ENOX1: variants seen among roughly 807,000 people sequenced by gnomAD.
ENOX1 encodes ecto-NOX disulfide-thiol exchanger 1.
ENOX1 carries 42 observed loss-of-function variants against 82.5 expected under a neutral mutation model. The observed-to-expected ratio is 0.51, with a 90% CI of 0.40 to 0.66. ENOX1 has a LOEUF of 0.66. Ranked by LOEUF, ENOX1 falls within the 30% of genes least tolerant of loss-of-function variation. The pLI, the probability that ENOX1 is intolerant of heterozygous loss-of-function variation, is 0.00. For missense variants in ENOX1, 608 were observed against 811.6 expected, an observed-to-expected ratio of 0.75 and a Z score of 3.05; for synonymous variants, 271 against 282.2, an observed-to-expected ratio of 0.96 and a Z score of 0.40.
Position 43,470,377 on chromosome 13 carries a change from CATATATATACGT to C in ENOX1, c.-75+13620_-75+13631del, listed in dbSNP as rs2058003890. On this transcript the variant is annotated intron_variant, in intron 3 of 16. Coordinates refer to ENST00000690772, the MANE Select transcript of ENOX1 (RefSeq NM_001347969.2). Reference sequence around the variant, plus strand: ...ATGTATATATATACGTATATATATACATATATATACGTATATATATGTGTATATATATATATA... The same window carrying C: ...ATGTATATATATACGTATATATATACATATATATGTGTATATATATATATA... Among the ~76,000 whole-genome samples the C allele has an allele frequency of 1.5e-4, 4 of 27,038 alleles. 1 individual carries two copies. 17.7% of individuals were successfully genotyped at this position (27,038 alleles called of 152,430 possible).
intron 2 of ENOX1, among the ~76,000 whole-genome samples, chr13:43,587,036 T>A (rs558097919): frequency 1.7e-4 from 25 of 149,104 alleles, no homozygotes; most frequent in African/African-American, 5.5e-4. Flanking sequence ...ATTGTGCCAC[T>A]GCACTCCAGT....
intron 2 of ENOX1, among the ~76,000 whole-genome samples, chr13:43,491,343 T>C (rs1252635848): frequency 6.6e-6 from 1 of 152,182 alleles, no homozygotes; most frequent in African/African-American, 2.4e-5. Context: ...CATTTCAACA[T>C]GAGATTTGGA....
At chr13:43,276,682 A>G (rs1177321064) in intron 12 of ENOX1, among the ~76,000 whole-genome samples, 1 of 152,254 alleles carries the variant, frequency 6.6e-6, no homozygotes, top group African/African-American at 2.4e-5. Flanking sequence ...TTGAGATTTA[A>G]AAATTCAAGT....
intron 2 of ENOX1, among the ~76,000 whole-genome samples, chr13:43,531,926 G>C (rs2078245073): frequency 7.0e-6 from 1 of 142,158 alleles, no homozygotes; most frequent in Admixed American, 7.1e-5. Context: ...GCCTGTTGTG[G>C]GGTGAGGGGA....
At chr13:43,508,869 G>T (rs2077269760) in intron 2 of ENOX1, among the ~76,000 whole-genome samples, 1 of 151,830 alleles carries the variant, frequency 6.6e-6, no homozygotes, top group Admixed American at 6.6e-5. Flanking sequence ...TGGGATCCAG[G>T]ACTATAGTTT....
chr13:43,772,290 C>T (rs531288422), intron 1 of ENOX1, among the ~76,000 whole-genome samples: 1 of 152,234 alleles, frequency 6.6e-6, no homozygotes, highest in South Asian at 2.1e-4. Flanking sequence ...CTAAAATAAA[C>T]ACCAAGTATC....
intron 2 of ENOX1, among the ~76,000 whole-genome samples, chr13:43,513,130 G>A (rs995161443): frequency 6.6e-6 from 1 of 152,020 alleles, no homozygotes; most frequent in Admixed American, 6.6e-5. Flanking sequence ...TCAACATGGC[G>A]AAACCCTGTC....
chr13:43,383,891 T>C (rs141372488), intron 5 of ENOX1, among the ~76,000 whole-genome samples: 41 of 152,322 alleles, frequency 2.7e-4, no homozygotes, highest in African/African-American at 8.4e-4. Context: ...GCATCCTTCT[T>C]CTCTCCTTCC....
chr13:43,724,499 T>G (rs1179842827), intron 1 of ENOX1, among the ~76,000 whole-genome samples: 3 of 152,246 alleles, frequency 2.0e-5, no homozygotes, highest in Non-Finnish European at 4.4e-5. Flanking sequence ...TCTTACCACA[T>G]TGATAAAATA....
intron 1 of ENOX1, among the ~76,000 whole-genome samples, chr13:43,690,405 C>A (rs954016086): frequency 1.3e-5 from 2 of 152,000 alleles, no homozygotes; most frequent in African/African-American, 4.8e-5. Context: ...TAAGTCTGAA[C>A]ACCATGGTGT....
At chr13:43,753,183 T>C (rs557702036) in intron 1 of ENOX1, among the ~76,000 whole-genome samples, 1 of 152,270 alleles carries the variant, frequency 6.6e-6, no homozygotes, top group Non-Finnish European at 1.5e-5. Context: ...ATATAACTTT[T>C]AAGATTCATC....
At chr13:43,573,765 G>A (rs2080290375) in intron 2 of ENOX1, among the ~76,000 whole-genome samples, 1 of 152,010 alleles carries the variant, frequency 6.6e-6, no homozygotes. Flanking sequence ...CTCCAAACTG[G>A]AAAAAAACCT....
chr13:43,712,039 T>C (rs899489704), intron 1 of ENOX1, among the ~76,000 whole-genome samples: 1 of 151,528 alleles, frequency 6.6e-6, no homozygotes, highest in Non-Finnish European at 1.5e-5. Context: ...TTCTTCTAGG[T>C]TTTTTATGGT....
chr13:43,316,695 C>T (rs1008457377), intron 11 of ENOX1, among the ~76,000 whole-genome samples: 1 of 150,036 alleles, frequency 6.7e-6, no homozygotes, highest in Non-Finnish European at 1.5e-5. Context: ...TGTAACTGCA[C>T]ATGAAATTAG....
intron 5 of ENOX1, 99 bp from the exon 6 acceptor site, chr13:43,361,551 A>AT: frequency 2.7e-6 from 3 of 1,125,936 alleles, no homozygotes; most frequent in Non-Finnish European, 3.7e-6. Flanking sequence ...TATACTTTCT[A>AT]TTTTTCAGGA....
At chr13:43,316,064 TC>T (rs2047463717) in intron 11 of ENOX1, among the ~76,000 whole-genome samples, 1 of 152,122 alleles carries the variant, frequency 6.6e-6, no homozygotes, top group African/African-American at 2.4e-5. Context: ...GTTGCTCATG[TC>T]CTCATTCTCC....
At chr13:43,491,598 T>C (rs1356505612) in intron 2 of ENOX1, among the ~76,000 whole-genome samples, 2 of 152,012 alleles carry the variant, frequency 1.3e-5, no homozygotes, top group South Asian at 2.1e-4. Context: ...TGAAACCCTG[T>C]CTCTACTAAA....
chr13:43,475,876 T>C (rs959768298), intron 3 of ENOX1, among the ~76,000 whole-genome samples: 5 of 149,852 alleles, frequency 3.3e-5, no homozygotes, highest in Non-Finnish European at 7.4e-5. Context: ...AACTCTAAGA[T>C]ATACAGCTCT....
intron 2 of ENOX1, among the ~76,000 whole-genome samples, chr13:43,576,689 C>G (rs559632992): frequency 6.6e-6 from 1 of 152,256 alleles, no homozygotes; most frequent in Admixed American, 6.5e-5. Flanking sequence ...TGTCTTAAGA[C>G]ACTAGTCTAT....
Sources: gnomAD v4.1 joint callset for allele counts (sites outside exome capture counted in the v4.1 genomes callset) on GRCh38, gnomAD v4.1.1 for gene constraint, MANE v1.5 for transcripts, NCBI Gene and HGNC (gene_info 2026-07-23, HGNC 2026-07-21) for gene names.